MDGA2: variants seen among roughly 807,000 people sequenced by gnomAD.
MDGA2 encodes MAM domain-containing glycosylphosphatidylinositol anchor protein 2.
A neutral mutation model predicts 117.8 loss-of-function variants in MDGA2; 40 were observed. The observed-to-expected ratio is 0.34, with a 90% CI of 0.26 to 0.44. The LOEUF is 0.44. Ranked by LOEUF, MDGA2 falls within the 20% of genes least tolerant of loss-of-function variation. The probability of loss-of-function intolerance (pLI) is 1.00; values close to 1 mark genes in which losing one functional copy is unlikely to be tolerated. For synonymous variants in MDGA2, 452 were observed against 439.0 expected (o/e 1.03, Z -0.37); for missense variants, 1,123 against 1,250.6 (o/e 0.90, Z 1.54).
chr14:47,375,643 C>T (rs895221358), intron 1 of MDGA2, among the ~76,000 whole-genome samples: 7 of 152,048 alleles, frequency 4.6e-5, no homozygotes, highest in Non-Finnish European at 1.0e-4. Context: ...CTCGTCCAAT[C>T]CTCGCAACTA....
At chr14:47,073,665 G>C (rs1053426849) in intron 6 of MDGA2, among the ~76,000 whole-genome samples, 1 of 152,176 alleles carries the variant, frequency 6.6e-6, no homozygotes, top group Admixed American at 6.5e-5. Context: ...TATTGTGAAA[G>C]GGTAAGAGAA....
At chr14:47,013,248 T>C (rs1296551240) in intron 8 of MDGA2, among the ~76,000 whole-genome samples, 2 of 152,204 alleles carry the variant, frequency 1.3e-5, no homozygotes, top group African/African-American at 4.8e-5. Flanking sequence ...AAGTTTGTAA[T>C]ATTGTAAATC....
intron 1 of MDGA2, chr14:47,342,796 C>A (rs1890669215): frequency 3.1e-6 from 1 of 325,956 alleles, no homozygotes; most frequent in Non-Finnish European, 6.0e-6. Context: ...AAAACACTTA[C>A]AAAAGTAGCA....
intron 14 of MDGA2, among the ~76,000 whole-genome samples, chr14:46,862,596 T>A (rs75477942): frequency 0.036 from 5,540 of 151,894 alleles, 361 homozygotes; most frequent in African/African-American, 0.13. Flanking sequence ...CATAGAGTCT[T>A]GAAATTGCCA....
rs566724432 is a variant in MDGA2 at position 47,526,662 on chromosome 14, G to A, written c.280+147855C>T. 2.6e-4 allele frequency among the ~76,000 whole-genome samples: 39 copies of A among 152,188 alleles called. No individual in the cohort carries two copies. The East Asian group carries it at 6.4e-3, about 25-fold the overall frequency. The stretch of plus-strand genomic sequence containing the variant: ...GTGTAAGAATTGGCAAATGCCTTCA[G>A]AGGAAATCACCTACTGCATATTATT... On this transcript the variant is annotated intron_variant, in intron 1 of 16. Coordinates refer to ENST00000399232, the MANE Select transcript of MDGA2 (RefSeq NM_001113498.3).
At chr14:47,532,314 AC>A (rs1370239172) in intron 1 of MDGA2, among the ~76,000 whole-genome samples, 2 of 152,282 alleles carry the variant, frequency 1.3e-5, no homozygotes, top group Admixed American at 6.5e-5. Flanking sequence ...GGTTTTTATA[AC>A]CTTGACAGGT....
intron 1 of MDGA2, among the ~76,000 whole-genome samples, chr14:47,319,250 T>C (rs1231544293): frequency 6.6e-6 from 1 of 152,106 alleles, no homozygotes; most frequent in Non-Finnish European, 1.5e-5. Context: ...GATACTGACA[T>C]TTGTAAATAA....
intron 2 of MDGA2, among the ~76,000 whole-genome samples, chr14:47,238,733 A>G (rs1314518168): frequency 6.6e-6 from 1 of 151,754 alleles, no homozygotes; most frequent in Non-Finnish European, 1.5e-5. Flanking sequence ...AAGAATAGAA[A>G]GTAAAAGTTC....
In MDGA2 at chr14:47,429,989, A is replaced by G. The variant is rs765233700; in HGVS notation, c.281-128439T>C. Among the ~76,000 whole-genome samples the G allele has an allele frequency of 8.7e-5, 13 of 149,238 alleles. 1 individual carries two copies. In the East Asian group the frequency reaches 2.6e-3, roughly 30 times the overall value. On this transcript the variant is annotated intron_variant, in intron 1 of 16. Transcript: ENST00000399232. ...GCATTCTAGATGGAAAAGCATGTGC[A>G]AAGTCCCTGAGGTGGGAAAGAGAGG... is the stretch of plus-strand genomic sequence containing the variant.
In MDGA2 at chr14:47,361,000, G is replaced by C. The variant is rs146746494; in HGVS notation, c.281-59450C>G. Reference sequence around the variant, plus strand: ...TAGTTATGTGGGACTAATAAGTCTAGAGATCTAATGTACAACATAAAATCT... The same window carrying C: ...TAGTTATGTGGGACTAATAAGTCTACAGATCTAATGTACAACATAAAATCT... On this transcript the variant is annotated intron_variant, in intron 1 of 16. Transcript: ENST00000399232. Among the ~76,000 whole-genome samples, 495 of 152,198 alleles carry C rather than the reference G, an allele frequency of 3.3e-3. 2 individuals are homozygous for C. Among genetic ancestry groups the C allele is most frequent in the African/African-American group, 0.011 (477 of 41,494 alleles).
intron 10 of MDGA2, among the ~76,000 whole-genome samples, chr14:46,894,982 A>G (rs878951533): frequency 2.0e-5 from 3 of 152,226 alleles, no homozygotes; most frequent in Admixed American, 1.3e-4. Flanking sequence ...ATAAATTGGA[A>G]TTAAGCAGCT....
At chr14:47,597,801 G>A (rs1312223810) in intron 1 of MDGA2, among the ~76,000 whole-genome samples, 2 of 144,970 alleles carry the variant, frequency 1.4e-5, no homozygotes, top group Admixed American at 7.0e-5. Flanking sequence ...TTAAATATAT[G>A]GAAGATTCCT....
intron 1 of MDGA2, among the ~76,000 whole-genome samples, chr14:47,423,572 G>GTA (rs1381797256): frequency 1.3e-5 from 2 of 151,806 alleles, no homozygotes; most frequent in African/African-American, 2.4e-5. Flanking sequence ...GTGTGTGTGT[G>GTA]TACTCTTTAA....
chr14:46,912,126 C>G (rs1324880939), intron 10 of MDGA2, among the ~76,000 whole-genome samples: 1 of 152,152 alleles, frequency 6.6e-6, no homozygotes, highest in Non-Finnish European at 1.5e-5. Context: ...CAGCCAGGAA[C>G]TGAATTTTTT....
In MDGA2 at chr14:46,957,762, G is replaced by A; in HGVS notation, c.1820-119C>T. ...GCAGCAATAGAGGAGGAGTGTAGGA[G>A]GTGAATGAAGAACATATTTAAGCCC... is the stretch of plus-strand genomic sequence containing the variant. On this transcript the variant is annotated intron_variant, in intron 8 of 16. Transcript: ENST00000399232. 5 of 1,110,900 alleles carry A rather than the reference G, an allele frequency of 4.5e-6. No homozygotes were observed. The East Asian group carries it at 1.2e-4, about 27-fold the overall frequency. The allele number at this position is 1,110,900 out of a possible 1,614,324, so 68.8% of individuals were successfully genotyped here. A position where few individuals can be genotyped will look rare whatever the true frequency, so the allele number is the denominator to read the frequency against.
chr14:47,398,988 A>C (rs1473055427), intron 1 of MDGA2, among the ~76,000 whole-genome samples: 1 of 152,196 alleles, frequency 6.6e-6, no homozygotes, highest in Non-Finnish European at 1.5e-5. Flanking sequence ...ACTTGATTTC[A>C]TTATAGAACA....
chr14:47,436,343 T>C (rs1466374824), intron 1 of MDGA2, among the ~76,000 whole-genome samples: 4 of 152,160 alleles, frequency 2.6e-5, no homozygotes, highest in African/African-American at 7.2e-5. Context: ...TACAGAATCA[T>C]CTTTATGTAT....
chr14:47,198,451 A>G (rs558334168), intron 3 of MDGA2, among the ~76,000 whole-genome samples: 208 of 152,296 alleles, frequency 1.4e-3, no homozygotes, highest in African/African-American at 4.5e-3. Context: ...AGGCACCTGT[A>G]GTCCCAGCTA....
chr14:47,178,429 G>A (rs1162125964), intron 3 of MDGA2, among the ~76,000 whole-genome samples: 1 of 152,058 alleles, frequency 6.6e-6, no homozygotes, highest in African/African-American at 2.4e-5. Flanking sequence ...GGAAACCTTT[G>A]ACTATATTGC....
Sources: allele counts gnomAD v4.1 joint callset (sites outside exome capture counted in the v4.1 genomes callset), GRCh38; gene constraint gnomAD v4.1.1; transcripts MANE v1.5; gene names NCBI Gene and HGNC (gene_info 2026-07-23, HGNC 2026-07-21).